Variants in MDGA2 observed in about 807,000 individuals in gnomAD.
The protein encoded by MDGA2 is MAM domain-containing glycosylphosphatidylinositol anchor protein 2.
Under a neutral mutation model 117.8 loss-of-function variants are expected in MDGA2, and 40 were observed. The ratio of observed to expected loss-of-function variants is 0.34; its 90% CI spans 0.26 to 0.44. The LOEUF is 0.44. Among genes scored for constraint, MDGA2 ranks in the 20% least tolerant of loss-of-function variants. The pLI, the probability that MDGA2 is intolerant of heterozygous loss-of-function variation, is 1.00. For missense variants in MDGA2, 1,123 were observed against 1,250.6 expected (o/e 0.90, Z 1.54); for synonymous variants, 452 against 439.0 (o/e 1.03, Z -0.37).
At chr14:47,349,652 T>TA (rs978076243) in intron 1 of MDGA2, among the ~76,000 whole-genome samples, 33 of 152,196 alleles carry the variant, frequency 2.2e-4, no homozygotes, top group South Asian at 4.1e-4. Context: ...ATTCATTTTT[T>TA]AAAAAAAACA....
At chr14:47,381,468 T>A (rs1224788187) in intron 1 of MDGA2, among the ~76,000 whole-genome samples, 2 of 152,196 alleles carry the variant, frequency 1.3e-5, no homozygotes, top group Non-Finnish European at 2.9e-5. Flanking sequence ...AACCCCATCG[T>A]CTCAGCCCAA....
chr14:47,380,520 A>G (rs1041432460), intron 1 of MDGA2, among the ~76,000 whole-genome samples: 229 of 152,222 alleles, frequency 1.5e-3, no homozygotes, highest in Non-Finnish European at 2.4e-3. Context: ...GCAATAAAAA[A>G]GGATAAAGGG....
At chr14:47,240,672 A>G (rs182266268) in intron 2 of MDGA2, among the ~76,000 whole-genome samples, 41 of 152,042 alleles carry the variant, frequency 2.7e-4, no homozygotes, top group African/African-American at 9.4e-4. Context: ...GATTATTACT[A>G]TGTAAGTAGT....
intron 1 of MDGA2, among the ~76,000 whole-genome samples, chr14:47,623,876 G>C (rs1897094383): frequency 6.6e-6 from 1 of 152,168 alleles, no homozygotes; most frequent in Non-Finnish European, 1.5e-5. Flanking sequence ...CAAAACCCAA[G>C]TATATACTGA....
intron 1 of MDGA2, among the ~76,000 whole-genome samples, chr14:47,377,005 T>C (rs1891493758): frequency 1.3e-5 from 2 of 152,152 alleles, no homozygotes; most frequent in African/African-American, 4.8e-5. Context: ...TTAAATTCTT[T>C]GGATTTGAAG....
At chr14:47,336,750 T>A (rs1056585993) in intron 1 of MDGA2, among the ~76,000 whole-genome samples, 1 of 152,004 alleles carries the variant, frequency 6.6e-6, no homozygotes, top group Middle Eastern at 3.2e-3. Context: ...TCACATGGTA[T>A]GCTTCTTTAA....
At position 46,973,767 on chromosome 14, in the gene MDGA2, T is replaced by C. The variant is rs537032523; in HGVS notation, c.1820-16124A>G. ...TAAAATTACCTCTGTTTGCAGATGA[T>C]AGAAAACCATGCAGAAAACCCTGAA... On this transcript the variant is annotated intron_variant, in intron 8 of 16. Transcript: ENST00000399232. Among the ~76,000 whole-genome samples, 6 of 152,228 alleles carry C rather than the reference T, an allele frequency of 3.9e-5. No homozygotes were observed. In the South Asian group the frequency reaches 1.0e-3, roughly 26 times the overall value.
At chr14:47,033,416 G>A (rs1401531975) in intron 8 of MDGA2, among the ~76,000 whole-genome samples, 3 of 152,170 alleles carry the variant, frequency 2.0e-5, no homozygotes, top group Admixed American at 6.5e-5. Context: ...TGCATAACTC[G>A]AAGCAGCTCA....
chr14:47,186,018 G>T (rs1884897020), intron 3 of MDGA2, among the ~76,000 whole-genome samples: 1 of 151,328 alleles, frequency 6.6e-6, no homozygotes. Context: ...GTGTACATAT[G>T]TTCATACCAT....
chr14:47,384,863 T>A (rs958179413), intron 1 of MDGA2, among the ~76,000 whole-genome samples: 1 of 152,194 alleles, frequency 6.6e-6, no homozygotes, highest in African/African-American at 2.4e-5. Context: ...CAGGAAACCA[T>A]GCAACCAGAG....
intron 2 of MDGA2, among the ~76,000 whole-genome samples, chr14:47,262,503 G>T (rs1887829107): frequency 6.6e-6 from 1 of 152,158 alleles, no homozygotes; most frequent in East Asian, 1.9e-4. Flanking sequence ...TATGTGCATT[G>T]TAAAATACAT....
chr14:47,334,636 T>C (rs1417603856), intron 1 of MDGA2, among the ~76,000 whole-genome samples: 1 of 151,982 alleles, frequency 6.6e-6, no homozygotes, highest in Non-Finnish European at 1.5e-5. Context: ...TATACACAAA[T>C]GAAAATTAGA....
intron 4 of MDGA2, among the ~76,000 whole-genome samples, chr14:47,140,019 C>T (rs1170401446): frequency 6.6e-6 from 1 of 151,246 alleles, no homozygotes; most frequent in Non-Finnish European, 1.5e-5. Context: ...AATGAGACAT[C>T]ATATCAGCTT....
At chr14:46,854,987 T>C in intron 15 of MDGA2, 37 bp downstream of exon 15, 1 of 1,541,544 alleles carries the variant, frequency 6.5e-7, no homozygotes, top group Non-Finnish European at 8.8e-7. Flanking sequence ...ATTATGCTCA[T>C]TTACAGCAAT....
At chr14:46,874,338 A>T in intron 12 of MDGA2, 138 bp from the exon 13 acceptor site, 2 of 376,372 alleles carry the variant, frequency 5.3e-6, no homozygotes. Flanking sequence ...ATAATGGTGC[A>T]GAAGATTACA....
chr14:47,144,335 G>C (rs1031958130), intron 3 of MDGA2, 61 bp from the exon 4 acceptor site: 1 of 1,350,304 alleles, frequency 7.4e-7, no homozygotes, highest in Admixed American at 2.2e-5. Context: ...TTAAAGTATT[G>C]TGCTTATATA....
intron 5 of MDGA2, among the ~76,000 whole-genome samples, chr14:47,120,539 T>C (rs1881594216): frequency 6.6e-6 from 1 of 151,958 alleles, no homozygotes; most frequent in Admixed American, 6.6e-5. Flanking sequence ...AACAGAAGAG[T>C]AGCAAGAAGA....
intron 3 of MDGA2, among the ~76,000 whole-genome samples, chr14:47,163,813 A>G (rs1883745728): frequency 6.6e-6 from 1 of 152,226 alleles, no homozygotes; most frequent in South Asian, 2.1e-4. Flanking sequence ...TGGTGACAGT[A>G]GTGACAACAA....
chr14:46,947,773 C>T lies in MDGA2; in HGVS notation c.2089+9601G>A, dbSNP rs544802146. Among the ~76,000 whole-genome samples, 6 of 151,928 alleles carry T rather than the reference C, an allele frequency of 3.9e-5. 1 individual carries two copies. Among genetic ancestry groups the T allele is most frequent in the African/African-American group, 1.2e-4 (5 of 41,416 alleles). On this transcript the variant is annotated intron_variant, in intron 9 of 16. Transcript: ENST00000399232. The stretch of plus-strand genomic sequence containing the variant: ...TTTTCTTTTGTAAATTTCTTAGTCT[C>T]GAGTGTGTCTTTATTAGGAGTGTGA...
Sources: gnomAD v4.1 joint callset for allele counts (sites outside exome capture counted in the v4.1 genomes callset) on GRCh38, gnomAD v4.1.1 for gene constraint, MANE v1.5 for transcripts, NCBI Gene and HGNC (gene_info 2026-07-23, HGNC 2026-07-21) for gene names.